The following ZP1 variants were observed in gnomAD, a reference collection of about 807,000 sequenced individuals.
ZP1 encodes zona pellucida glycoprotein 1.
Under a neutral mutation model 67.4 loss-of-function variants are expected in ZP1, and 58 were observed. The ratio of observed to expected loss-of-function variants is 0.86; its 90% CI spans 0.70 to 1.07. The LOEUF is 1.07. Among genes scored for constraint, ZP1 ranks in the 50% least tolerant of loss-of-function variants. The probability of loss-of-function intolerance (pLI) is 0.00; values close to 1 mark genes in which losing one functional copy is unlikely to be tolerated. For synonymous variants in ZP1, 333 were observed against 332.7 expected (o/e 1.00, Z -0.01); for missense variants, 759 against 807.3 (o/e 0.94, Z 0.72).
chr11:60,873,054 G>C, intron 6 of ZP1, 108 bp from the exon 7 acceptor site: 1 of 1,296,436 alleles, frequency 7.7e-7, no homozygotes, highest in Admixed American at 2.3e-5. Flanking sequence ...TGCCCTGCTG[G>C]ACAGTACCCT....
intron 4 of ZP1, 191 bp from the exon 5 acceptor site, chr11:60,870,766 A>T (rs1855551332): frequency 1.4e-6 from 1 of 725,596 alleles, no homozygotes; most frequent in African/African-American, 1.8e-5. Context: ...TTTAGAGTGT[A>T]GTTCAACTCA....
Position 60,871,176 on chromosome 11 carries a change from T to C in ZP1, c.1014+32T>C, listed in dbSNP as rs765223404. 2.5e-6 allele frequency: 4 copies of C among 1,613,766 alleles called. No homozygotes were observed. The African/African-American group carries it at 4.0e-5, about 16-fold the overall frequency. ...GCCGGGACCACAGGCTGGGGCCTGG[T>C]CCCCCACCAGAAAGCCTCACCCAGC... On this transcript the variant is annotated intron_variant, in intron 5 of 11. Coordinates refer to ENST00000278853, the MANE Select transcript of ZP1 (RefSeq NM_207341.4).
chr11:60,875,442 T>C (rs1308219714), intron 11 of ZP1, 72 bp from the exon 12 acceptor site: 1 of 1,588,326 alleles, frequency 6.3e-7, no homozygotes, highest in Non-Finnish European at 8.6e-7. Flanking sequence ...CCCAGTGTGA[T>C]ACAAAGTTCT....
intron 4 of ZP1, 34 bp from the exon 5 acceptor site, chr11:60,870,923 C>G: frequency 6.3e-7 from 1 of 1,589,992 alleles, no homozygotes; most frequent in Non-Finnish European, 8.6e-7. Context: ...GGATGGACAC[C>G]AAACCCCAAG....
In ZP1 at chr11:60,870,451, G is replaced by T; in HGVS notation, c.802G>T (p.Val268Phe). ...AGCCYDNTRE[V>F]PCYYGNTATV... ...CTGCTGCTATGACAACACCAGAGAGGTTCCCTGTTACTATGGCAACACAGG... is the reference window on the plus strand; with the variant it reads ...CTGCTGCTATGACAACACCAGAGAGTTTCCCTGTTACTATGGCAACACAGG... Residue 268 changes from valine to phenylalanine, a missense_variant, in exon 4 of 12, where the codon GTT (valine) becomes TTT (phenylalanine). Val to Phe is a conservative substitution (Grantham distance 50, BLOSUM62 -1). Coordinates refer to ENST00000278853, the MANE Select transcript of ZP1 (RefSeq NM_207341.4). The T allele has an allele frequency of 6.2e-7, 1 of 1,611,462 alleles. No homozygotes were observed. The highest frequency in any genetic ancestry group is 8.5e-7 in the Non-Finnish European group (1 of 1,178,944).
chr11:60,870,805 A>T, intron 4 of ZP1, 152 bp from the exon 5 acceptor site: 1 of 876,558 alleles, frequency 1.1e-6, no homozygotes, highest in Non-Finnish European at 1.8e-6. Flanking sequence ...AAATCAGTCC[A>T]TAAAGGGTTT....
At position 60,870,978 on chromosome 11, in the gene ZP1, A is replaced by T. The variant is rs1198539198; in HGVS notation, c.848A>T (p.Asp283Val). ...CCAGCTACTGTCCAGTGCTTCAGAGATGGCTACTTCGTCCTCGTGGTGTCC... is the reference window on the plus strand; with the variant it reads ...CCAGCTACTGTCCAGTGCTTCAGAGTTGGCTACTTCGTCCTCGTGGTGTCC... The part of the protein sequence containing the change: ...GNTATVQCFR[D>V]GYFVLVVSQE... The change falls in exon 5 of 12, where the codon GAT becomes GTT. Residue 283 changes from aspartate to valine, a missense_variant. Transcript: ENST00000278853. 1 of 1,614,068 alleles carries T rather than the reference A, an allele frequency of 6.2e-7. No homozygotes were observed. Among genetic ancestry groups the T allele is most frequent in the Admixed American group, 1.7e-5 (1 of 60,022 alleles).
intron 1 of ZP1, 144 bp from the exon 2 acceptor site, chr11:60,869,001 C>A: frequency 1.1e-6 from 1 of 947,612 alleles, no homozygotes; most frequent in Non-Finnish European, 1.6e-6. Flanking sequence ...AGGGGGCTTG[C>A]CCAAGACCAC....
In ZP1 at chr11:60,873,822, G is replaced by C; in HGVS notation, c.1572+47G>C. The stretch of plus-strand genomic sequence containing the variant: ...ATGCCTGGTCCCATCTGTTAAGTGG[G>C]AGGAGCTGGTCGCCAAATCCCTCTG... On this transcript the variant is annotated intron_variant, in intron 9 of 11. Coordinates refer to ENST00000278853, the MANE Select transcript of ZP1 (RefSeq NM_207341.4). 3 of 1,606,624 alleles carry C rather than the reference G, an allele frequency of 1.9e-6. No homozygotes were observed. In the South Asian group the frequency reaches 3.3e-5, roughly 18 times the overall value.
chr11:60,869,067 G>A, intron 1 of ZP1, 78 bp from the exon 2 acceptor site: 1 of 1,571,150 alleles, frequency 6.4e-7, no homozygotes, highest in Non-Finnish European at 8.7e-7. Flanking sequence ...GCTGCTGAGT[G>A]GGAACTCCTT....
In ZP1 at chr11:60,871,315, G is replaced by T; in HGVS notation, c.1112+1G>T. On this transcript the variant is annotated splice_donor_variant, in intron 6 of 11. Coordinates refer to ENST00000278853, the MANE Select transcript of ZP1 (RefSeq NM_207341.4). LOFTEE classifies it high-confidence loss of function. ...CCATCACGCGGGACAGCACCTTCCA[G>T]TAAGGGCAGCCCTCCTCCTACAGGC... 1 of 1,613,530 alleles carries T rather than the reference G, an allele frequency of 6.2e-7. No homozygotes were observed. Among genetic ancestry groups the T allele is most frequent in the Admixed American group, 1.7e-5 (1 of 60,000 alleles).
chr11:60,867,839 G>C (rs767604966), intron 1 of ZP1, 82 bp downstream of exon 1: 1 of 1,496,362 alleles, frequency 6.7e-7, no homozygotes, highest in Non-Finnish European at 9.0e-7. Context: ...TCCCCTGAAG[G>C]AGCAAGAACA....
chr11:60,874,317 G>A (rs967982968), intron 9 of ZP1, among the ~76,000 whole-genome samples: 4 of 152,184 alleles, frequency 2.6e-5, no homozygotes, highest in Non-Finnish European at 4.4e-5. Flanking sequence ...GTGTGGCTTC[G>A]TTCTCATCTC....
rs748525846 is a variant in ZP1, at chr11:60,869,649, T to C, written c.431T>C (p.Leu144Pro). The change falls in exon 3 of 12, where the codon CTG (leucine) becomes CCG (proline). Residue 144 changes from leucine to proline, a missense_variant. Coordinates refer to ENST00000278853, the MANE Select transcript of ZP1 (RefSeq NM_207341.4). The part of the protein sequence containing the change: ...ICPKPDPSRT[L>P]DSQLAPPAMF... ...CCCAAACCTGACCCCTCCCGGACTC[T>C]GGACTCCCAGCTGGCACCACCCGCC... The C allele has an allele frequency of 5.6e-6, 9 of 1,614,168 alleles. No individual in the cohort carries two copies. In the Admixed American group the frequency reaches 6.7e-5, roughly 12 times the overall value.
Position 60,871,219 on chromosome 11 carries a change from G to A in ZP1, c.1017G>A (p.Val339=), listed in dbSNP as rs1406849801. The change falls in exon 6 of 12, where the codon GTG becomes GTA. Residue 339 remains valine (V), a splice_region_variant and synonymous_variant. Transcript: ENST00000278853. Reference sequence around the variant, plus strand: ...CACCCAGCTGTCTCTTCCTACAGGTGGCTGGCGACCAGCTCATCTATGAGA... The same window carrying A: ...CACCCAGCTGTCTCTTCCTACAGGTAGCTGGCGACCAGCTCATCTATGAGA... ...PLTHCGTTMQ[V]AGDQLIYENW... is the part of the protein sequence containing the mutation. 14 of 1,613,918 alleles carry A rather than the reference G, an allele frequency of 8.7e-6. No individual in the cohort carries two copies. The highest frequency in any genetic ancestry group is 1.2e-5 in the Non-Finnish European group (14 of 1,180,052).
rs1381023569 is a variant in ZP1 at position 60,869,669 on chromosome 11, C to A, written c.451C>A (p.Pro151Thr). The change falls in exon 3 of 12, where the codon CCC (proline) becomes ACC (threonine). Residue 151 changes from proline (P) to threonine (T), a missense_variant. Coordinates refer to ENST00000278853, the MANE Select transcript of ZP1 (RefSeq NM_207341.4). ...GACTCTGGACTCCCAGCTGGCACCA[C>A]CCGCCATGTTCTCTGTCTCAACCCC... The part of the protein sequence containing the change: ...SRTLDSQLAP[P>T]AMFSVSTPQT... The A allele has an allele frequency of 1.2e-6, 2 of 1,614,168 alleles. No homozygotes were observed. Among genetic ancestry groups the A allele is most frequent in the Non-Finnish European group, 1.7e-6 (2 of 1,180,014 alleles).
rs763392215 is a variant in ZP1, at chr11:60,870,979, T to A, written c.849T>A (p.Asp283Glu). Residue 283 changes from aspartate to glutamate, a missense_variant, in exon 5 of 12, where the codon GAT becomes GAA. Asp to Glu is a conservative substitution (Grantham distance 45, BLOSUM62 2). Coordinates refer to ENST00000278853, the MANE Select transcript of ZP1 (RefSeq NM_207341.4). ...CAGCTACTGTCCAGTGCTTCAGAGA[T>A]GGCTACTTCGTCCTCGTGGTGTCCC... Reference protein sequence around the residue: ...GNTATVQCFRDGYFVLVVSQE... With the variant: ...GNTATVQCFREGYFVLVVSQE... 6.2e-7 allele frequency: 1 copy of A among 1,614,144 alleles called. No individual in the cohort carries two copies.
At chr11:60,869,450 G>A (rs1164877587) in intron 2 of ZP1, 87 bp from the exon 3 acceptor site, 6 of 1,519,376 alleles carry the variant, frequency 3.9e-6, no homozygotes, top group Non-Finnish European at 5.3e-6. Context: ...CTGCCTAATG[G>A]CCAGCTCAGC....
Position 60,867,548 on chromosome 11 carries a change from G to T in ZP1, c.-14G>T. The stretch of plus-strand genomic sequence containing the variant: ...CTGGTGGCGAGGGAGTAGGGGGTGT[G>T]TCTGTGGCGTCTCATGGCAGGAGGC... On this transcript the variant is annotated 5_prime_UTR_variant, in exon 1 of 12. Transcript: ENST00000278853. The T allele has an allele frequency of 6.2e-7, 1 of 1,603,486 alleles. No individual in the cohort carries two copies. Among genetic ancestry groups the T allele is most frequent in the Non-Finnish European group, 8.5e-7 (1 of 1,173,846 alleles).
Sources: allele counts gnomAD v4.1 joint callset (sites outside exome capture counted in the v4.1 genomes callset), GRCh38; gene constraint gnomAD v4.1.1; transcripts MANE v1.5; gene names NCBI Gene and HGNC (gene_info 2026-07-23, HGNC 2026-07-21).